PIWIL1: variants seen among roughly 807,000 people sequenced by gnomAD.
The protein encoded by PIWIL1 is piwi like RNA-mediated gene silencing 1.
A neutral mutation model predicts 114.4 loss-of-function variants in PIWIL1; 73 were observed. That is an observed-to-expected ratio of 0.64 (90% CI 0.53 to 0.78). The LOEUF is 0.78. Among genes scored for constraint, PIWIL1 ranks in the 30% least tolerant of loss-of-function variants. PIWIL1 has a pLI of 0.00. For missense variants in PIWIL1, 723 were observed against 1,063.1 expected (o/e 0.68, Z 4.45); for synonymous variants, 375 against 369.0 (o/e 1.02, Z -0.19).
chr12:130,407,911 A>G, the PIWIL1 span: 5 of 1,263,608 alleles, frequency 4.0e-6, no homozygotes, highest in Admixed American at 1.7e-5. Flanking sequence ...CGGGTCACAC[A>G]TGGCCAATAC....
rs907907431 is a variant in PIWIL1, at chr12:130,346,413, G to C, written c.360G>C (p.Arg120=). 9.9e-6 allele frequency: 16 copies of C among 1,614,010 alleles called. No individual in the cohort carries two copies. Among genetic ancestry groups the C allele is most frequent in the Non-Finnish European group, 1.3e-5 (15 of 1,180,006 alleles). The part of the protein sequence containing the change: ...IIVRLSTNHF[R]LTSRPQWALY... ...TAAGGTTAAGCACTAACCATTTCCG[G>C]CTGACATCCCGTCCCCAGTGGGCCT... Residue 120 remains arginine (R), a synonymous_variant, in exon 5 of 21, where the codon CGG becomes CGC. Coordinates refer to ENST00000245255, the MANE Select transcript of PIWIL1 (RefSeq NM_004764.5).
chr12:130,365,913 A>G (rs1165883234), intron 18 of PIWIL1, among the ~76,000 whole-genome samples: 1 of 152,220 alleles, frequency 6.6e-6, no homozygotes, highest in African/African-American at 2.4e-5. Flanking sequence ...AGCTATTAGC[A>G]CGGGCAGTCG....
chr12:130,424,023 G>A, the PIWIL1 span: 5 of 505,756 alleles, frequency 9.9e-6, no homozygotes, highest in Admixed American at 4.4e-5. This position sits in a 1 kb window ranked among gnomAD's most constrained non-coding sequence, Gnocchi z 9.8. Flanking sequence ...CAGGGAAAAC[G>A]AAAGACAGCC....
chr12:130,346,806 C>G (rs2073081750), intron 5 of PIWIL1, 135 bp from the exon 6 acceptor site: 2 of 1,151,270 alleles, frequency 1.7e-6, no homozygotes, highest in Admixed American at 5.6e-5. Context: ...CTCTTTTTCT[C>G]AGAGCCATTT....
At chr12:130,403,773 T>A in the PIWIL1 span, among the ~76,000 whole-genome samples, 1 of 152,184 alleles carries the variant, frequency 6.6e-6, no homozygotes, top group Non-Finnish European at 1.5e-5. Flanking sequence ...TGAATACAGA[T>A]TATTATTATT....
chr12:130,384,351 C>T, the PIWIL1 span, among the ~76,000 whole-genome samples: 1 of 152,190 alleles, frequency 6.6e-6, no homozygotes, highest in Admixed American at 6.5e-5. Flanking sequence ...TCAGTTTGTC[C>T]AGGTTTTAAG....
At chr12:130,393,696 T>G in the PIWIL1 span, among the ~76,000 whole-genome samples, 12 of 152,046 alleles carry the variant, frequency 7.9e-5, no homozygotes, top group African/African-American at 2.9e-4. Context: ...TATAATAATG[T>G]GATACATTTC....
At chr12:130,338,991 C>T (rs1389555026) in intron 1 of PIWIL1, among the ~76,000 whole-genome samples, 3 of 151,898 alleles carry the variant, frequency 2.0e-5, no homozygotes, top group Non-Finnish European at 2.9e-5. Context: ...CTGCGGGGAC[C>T]TGAGAGCTCT....
chr12:130,376,590 C>T (rs2073868440), downstream of PIWIL1, among the ~76,000 whole-genome samples: 2 of 152,218 alleles, frequency 1.3e-5, no homozygotes, highest in South Asian at 4.1e-4. Flanking sequence ...GGACTTCATC[C>T]TTCCAAATGT....
chr12:130,345,472 TC>T, intron 3 of PIWIL1: 1 of 315,398 alleles, frequency 3.2e-6, no homozygotes, highest in Middle Eastern at 9.6e-4. Flanking sequence ...TGCACCACAG[TC>T]CAGTTGGCTT....
At chr12:130,345,637 C>A in intron 3 of PIWIL1, 116 bp from the exon 4 acceptor site, 2 of 1,066,318 alleles carry the variant, frequency 1.9e-6, no homozygotes, top group Non-Finnish European at 2.8e-6. Context: ...TTGTTTTATG[C>A]CTTGTCTTCT....
chr12:130,412,027 T>C, the PIWIL1 span, among the ~76,000 whole-genome samples: 12 of 152,196 alleles, frequency 7.9e-5, no homozygotes, highest in East Asian at 3.8e-4. Flanking sequence ...AGAGGCTTTT[T>C]TTAATGAGGA....
Position 130,371,581 on chromosome 12 carries a change from C to T in PIWIL1, c.2569C>T (p.Arg857Cys), listed in dbSNP as rs771831270. 33 of 1,610,236 alleles carry T rather than the reference C, an allele frequency of 2.0e-5. No homozygotes were observed. Among genetic ancestry groups the T allele is most frequent in the South Asian group, 9.9e-5 (9 of 90,992 alleles). The change falls in exon 21 of 21, where the codon CGC becomes TGC. Residue 857 changes from arginine to cysteine, a missense_variant. Coordinates refer to ENST00000245255, the MANE Select transcript of PIWIL1 (RefSeq NM_004764.5). ...AGAGCCAAATCTGTCACTGTCAAAC[C>T]GCCTTTACTACCTCTAACCTGCAGA... Reference protein sequence around the residue: ...HREPNLSLSNRLYYL With the variant: ...HREPNLSLSNCLYYL
the PIWIL1 span, among the ~76,000 whole-genome samples, chr12:130,421,557 T>G: frequency 2.6e-5 from 4 of 152,202 alleles, no homozygotes; most frequent in African/African-American, 7.2e-5. Flanking sequence ...CTTCAGCTAT[T>G]TCAACGAGAT....
At chr12:130,347,129 C>A in intron 6 of PIWIL1, 67 bp downstream of exon 6, 1 of 1,155,836 alleles carries the variant, frequency 8.7e-7, no homozygotes, top group Non-Finnish European at 1.3e-6. Flanking sequence ...CATTGAACAT[C>A]TGCATTCAGT....
the PIWIL1 span, among the ~76,000 whole-genome samples, chr12:130,401,194 C>T: frequency 1.3e-5 from 2 of 152,172 alleles, no homozygotes; most frequent in East Asian, 3.9e-4. Context: ...CGGCTCACTG[C>T]CACCTCCACC....
At chr12:130,422,357 A>G in the PIWIL1 span, 1 of 741,398 alleles carries the variant, frequency 1.3e-6, no homozygotes, top group Non-Finnish European at 2.2e-6. The surrounding 1 kb of genome is among the most constrained non-coding windows in gnomAD (Gnocchi z 5.2). Flanking sequence ...GCTTAGCGGA[A>G]AATGCTACTC....
the PIWIL1 span, among the ~76,000 whole-genome samples, chr12:130,379,660 G>C: frequency 4.2e-4 from 1 of 2,386 alleles, no homozygotes. Context: ...CCTCATCCCA[G>C]TTCCCATCCA....
downstream of PIWIL1, among the ~76,000 whole-genome samples, chr12:130,373,734 T>C (rs2073845606): frequency 6.6e-6 from 1 of 151,912 alleles, no homozygotes; most frequent in Non-Finnish European, 1.5e-5. Flanking sequence ...TTGAAAGGGG[T>C]CTCCTTAACA....
Sources: allele counts gnomAD v4.1 joint callset (sites outside exome capture counted in the v4.1 genomes callset), GRCh38; gene constraint gnomAD v4.1.1; non-coding constraint Gnocchi (gnomAD v3.1); transcripts MANE v1.5; gene names NCBI Gene and HGNC (gene_info 2026-07-23, HGNC 2026-07-21).